TOPORS: variants seen among roughly 807,000 people sequenced by gnomAD.
TOPORS encodes the protein TOP1 binding arginine/serine rich protein, E3 ubiquitin ligase, also known as E3 ubiquitin-protein ligase Topors.
A neutral mutation model predicts 81.4 loss-of-function variants in TOPORS; 25 were observed. That is an observed-to-expected ratio of 0.31 (90% CI 0.22 to 0.43). TOPORS has a LOEUF of 0.43. TOPORS is among the 20% of genes least tolerant of loss of function. The probability of loss-of-function intolerance (pLI) is 1.00; values close to 1 mark genes in which losing one functional copy is unlikely to be tolerated. For synonymous variants in TOPORS, 473 were observed against 456.6 expected (o/e 1.04, Z -0.46); for missense variants, 1,101 against 1,267.0 (o/e 0.87, Z 1.99).
intron 1 of TOPORS, chr9:32,552,164 C>T: frequency 2.0e-6 from 1 of 497,402 alleles, no homozygotes; most frequent in Non-Finnish European, 3.5e-6. Flanking sequence ...ACGCCTATCT[C>T]CTTAGTTGGC....
At position 32,541,111 on chromosome 9, in the gene TOPORS, T is replaced by C. The variant is rs1202714618; in HGVS notation, c.*276A>G. 1.1e-5 allele frequency: 3 copies of C among 277,234 alleles called. 1 individual carries two copies. Among genetic ancestry groups the C allele is most frequent in the Non-Finnish European group, 1.4e-5 (2 of 144,958 alleles). 17.2% of individuals were successfully genotyped at this position (277,234 alleles called of 1,614,324 possible). A position where few individuals can be genotyped will look rare whatever the true frequency, so the allele number is the denominator to read the frequency against. ...TTTATGAAATAACTTCTAAAATTTA[T>C]ATAATTTTTCTTATTTAAAAAGGAC... On this transcript the variant is annotated 3_prime_UTR_variant, in exon 3 of 3. Transcript: ENST00000360538.
Position 32,552,524 on chromosome 9 carries a change from G to T in TOPORS, c.-88C>A. 6.5e-7 allele frequency: 1 copy of T among 1,542,760 alleles called. No homozygotes were observed. Among genetic ancestry groups the T allele is most frequent in the Non-Finnish European group, 8.8e-7 (1 of 1,134,688 alleles). ...GGCCCCCACCGTGTCGACTCACTGG[G>T]CCCGCAGGCGGAAAGGCCCTATTTC... On this transcript the variant is annotated 5_prime_UTR_variant, in exon 1 of 3. Transcript: ENST00000360538.
At position 32,541,287 on chromosome 9, in the gene TOPORS, G is replaced by GT. The variant is rs1363212066; in HGVS notation, c.*99dup. On this transcript the variant is annotated 3_prime_UTR_variant, in exon 3 of 3. Coordinates refer to ENST00000360538, the MANE Select transcript of TOPORS (RefSeq NM_005802.5). ...TTAAAATATTGTAAGGAGGAAGAGA[G>GT]TTTTCACCAAATGTCATCTTTAAAT... The GT allele has an allele frequency of 8.3e-7, 1 of 1,203,850 alleles. No homozygotes were observed. The highest frequency in any genetic ancestry group is 1.5e-5 in the African/African-American group (1 of 65,684). 74.6% of individuals were successfully genotyped at this position (1,203,850 alleles called of 1,614,324 possible). A position where few individuals can be genotyped will look rare whatever the true frequency, so the allele number is the denominator to read the frequency against.
At position 32,543,799 on chromosome 9, in the gene TOPORS, T is replaced by G; in HGVS notation, c.726A>C (p.Ala242=). ...GAATTTTCCGCAAAGATCTTTCATC[T>G]GCCGTAGTTGGCCTCCTTACTGCAA... ...RQIAVRRPTT[A]DERSLRKIQE... Residue 242 remains alanine (A), a synonymous_variant, in exon 3 of 3, where the codon GCA becomes GCC. Coordinates refer to ENST00000360538, the MANE Select transcript of TOPORS (RefSeq NM_005802.5). This position sits in a 1 kb window ranked among gnomAD's most constrained non-coding sequence, Gnocchi z 5.6. 3.7e-6 allele frequency: 6 copies of G among 1,612,872 alleles called. No homozygotes were observed. The highest frequency in any genetic ancestry group is 5.1e-6 in the Non-Finnish European group (6 of 1,179,388).
intron 1 of TOPORS, 193 bp downstream of exon 1, chr9:32,552,241 A>C (rs1587629430): frequency 1.4e-6 from 1 of 704,224 alleles, no homozygotes. Context: ...AAGGCGGGCA[A>C]GGCCCCCGAT....
intron 1 of TOPORS, 56 bp from the exon 2 acceptor site, chr9:32,551,024 G>C (rs1438613267): frequency 6.3e-7 from 1 of 1,581,192 alleles, no homozygotes; most frequent in African/African-American, 1.3e-5. Flanking sequence ...CAGAGAGCGA[G>C]ACCCACCCCC....
At chr9:32,551,004 G>C (rs779811319) in intron 1 of TOPORS, 36 bp from the exon 2 acceptor site, 1 of 1,603,480 alleles carries the variant, frequency 6.2e-7, no homozygotes, top group South Asian at 1.1e-5. Context: ...ATGGCAGCTC[G>C]GAAGCAGGGC....
Position 32,550,824 on chromosome 9 carries a change from G to T in TOPORS, c.148C>A (p.Arg50=). The change falls in exon 2 of 3, where the codon CGG becomes AGG. Residue 50 remains arginine (R), a synonymous_variant. Transcript: ENST00000360538. ...GCTGGGGCGCTCGCCGCGAGCTCCC[G>T]GCAGCCCAGAAAGCTAGGTCGGTGT... ...CRHRPSFLGC[R]ELAASAPARP... The T allele has an allele frequency of 6.2e-7, 1 of 1,612,774 alleles. No homozygotes were observed. The highest frequency in any genetic ancestry group is 8.5e-7 in the Non-Finnish European group (1 of 1,179,716).
At chr9:32,550,096 CTTAAT>C (rs1214053126) in intron 2 of TOPORS, among the ~76,000 whole-genome samples, 1 of 152,168 alleles carries the variant, frequency 6.6e-6, no homozygotes, top group Non-Finnish European at 1.5e-5. Context: ...GCAGCTGTTT[CTTAAT>C]TTATCTTAAA....
In TOPORS at chr9:32,550,935, G is replaced by GT; in HGVS notation, c.36_37insA (p.Arg13ThrfsTer5). 6.2e-7 allele frequency: 1 copy of GT among 1,612,258 alleles called. No individual in the cohort carries two copies. The highest frequency in any genetic ancestry group is 8.5e-7 in the Non-Finnish European group (1 of 1,179,812). ...GGCGGGGGCGCTTCACCCTCCTCGC[G>GT]AGACAGCGGAGACCCCAGCGGCGGC... On this transcript the variant is annotated frameshift_variant, in exon 2 of 3. Coordinates refer to ENST00000360538, the MANE Select transcript of TOPORS (RefSeq NM_005802.5). LOFTEE classifies it high-confidence loss of function.
In TOPORS at chr9:32,549,865, A is replaced by C. The variant is rs1373240453; in HGVS notation, c.198+909T>G. Among the ~76,000 whole-genome samples, 2 of 152,218 alleles carry C rather than the reference A, an allele frequency of 1.3e-5. 1 individual carries two copies. Among genetic ancestry groups the C allele is most frequent in the East Asian group, 3.8e-4 (2 of 5,202 alleles). ...TGAACTGCATTTAATCAACTCCAAA[A>C]GAAGATACAAAAGTCACAGGATCTC... On this transcript the variant is annotated intron_variant, in intron 2 of 2. Coordinates refer to ENST00000360538, the MANE Select transcript of TOPORS (RefSeq NM_005802.5).
intron 2 of TOPORS, among the ~76,000 whole-genome samples, chr9:32,548,181 A>G (rs1367927223): frequency 6.6e-6 from 1 of 151,438 alleles, no homozygotes; most frequent in Non-Finnish European, 1.5e-5. Context: ...CTGTTTAAAA[A>G]TACAAATTAA....
In TOPORS at chr9:32,545,465, T is replaced by A. The variant is rs180929740; in HGVS notation, c.199-1139A>T. Among the ~76,000 whole-genome samples the A allele has an allele frequency of 5.1e-4, 77 of 151,612 alleles. 1 individual carries two copies. Among genetic ancestry groups the A allele is most frequent in the African/African-American group, 1.7e-3 (72 of 41,280 alleles). The stretch of plus-strand genomic sequence containing the variant: ...CATTTTATACTAATCATTTTGAGTA[T>A]ATTGACTATTGGGGAGTCAGGCGCG... On this transcript the variant is annotated intron_variant, in intron 2 of 2. Coordinates refer to ENST00000360538, the MANE Select transcript of TOPORS (RefSeq NM_005802.5).
In TOPORS at chr9:32,541,287, G is replaced by C. The variant is rs886063852; in HGVS notation, c.*100C>G. The C allele has an allele frequency of 5.4e-5, 65 of 1,203,734 alleles. No homozygotes were observed. The East Asian group carries it at 1.6e-3, about 30-fold the overall frequency. The allele number at this position is 1,203,734 out of a possible 1,614,324, so 74.6% of individuals were successfully genotyped here. Reference sequence around the variant, plus strand: ...TTAAAATATTGTAAGGAGGAAGAGAGTTTTCACCAAATGTCATCTTTAAAT... The same window carrying C: ...TTAAAATATTGTAAGGAGGAAGAGACTTTTCACCAAATGTCATCTTTAAAT... On this transcript the variant is annotated 3_prime_UTR_variant, in exon 3 of 3. Transcript: ENST00000360538.
At chr9:32,544,419 T>C in intron 2 of TOPORS, 93 bp from the exon 3 acceptor site, 2 of 1,326,914 alleles carry the variant, frequency 1.5e-6, no homozygotes, top group Non-Finnish European at 2.1e-6. Flanking sequence ...TTGAAACTTA[T>C]TTTGGTGAAA....
chr9:32,551,618 C>A, intron 1 of TOPORS: 1 of 268,384 alleles, frequency 3.7e-6, no homozygotes, highest in South Asian at 3.3e-5. Context: ...ACGTCTAGAG[C>A]CTAAGCGGCC....
chr9:32,548,640 A>C (rs1183250078), intron 2 of TOPORS, among the ~76,000 whole-genome samples: 4 of 152,172 alleles, frequency 2.6e-5, no homozygotes, highest in Non-Finnish European at 4.4e-5. Flanking sequence ...TTCTGTAAGA[A>C]GCCTGTGTTA....
At position 32,543,163 on chromosome 9, in the gene TOPORS, G is replaced by A; in HGVS notation, c.1362C>T (p.Ala454=). 1 of 1,613,974 alleles carries A rather than the reference G, an allele frequency of 6.2e-7. No homozygotes were observed. Among genetic ancestry groups the A allele is most frequent in the Non-Finnish European group, 8.5e-7 (1 of 1,180,018 alleles). ...TTTGTACTCCTTGTATCTGAGACGT[G>A]GCTCCTCCTGTGACAAGTTCTTCAT... The part of the protein sequence containing the change: ...SSDEELVTGG[A]TSQIQGVQTN... Residue 454 remains alanine (A), a synonymous_variant, in exon 3 of 3, where the codon GCC becomes GCT. Transcript: ENST00000360538. The surrounding 1 kb of genome is among the most constrained non-coding windows in gnomAD (Gnocchi z 5.6).
chr9:32,548,201 A>G (rs1470925138), intron 2 of TOPORS, among the ~76,000 whole-genome samples: 1 of 150,810 alleles, frequency 6.6e-6, no homozygotes, highest in Non-Finnish European at 1.5e-5. Flanking sequence ...AGGCATAAAA[A>G]CTGGGATGAC....
Sources: gnomAD v4.1 joint callset for allele counts (sites outside exome capture counted in the v4.1 genomes callset) on GRCh38, gnomAD v4.1.1 for gene constraint, Gnocchi (gnomAD v3.1) non-coding constraint, MANE v1.5 for transcripts, NCBI Gene and HGNC (gene_info 2026-07-23, HGNC 2026-07-21) for gene names.